The following B3GALT1 variants were observed in gnomAD, a reference collection of about 807,000 sequenced individuals.
B3GALT1 encodes beta-1,3-galactosyltransferase 1.
Under a neutral mutation model 23.2 loss-of-function variants are expected in B3GALT1, and 10 were observed. The ratio of observed to expected loss-of-function variants is 0.43; its 90% CI spans 0.27 to 0.73. The LOEUF (loss-of-function observed/expected upper bound fraction) is 0.73, where lower values mean the gene tolerates loss of function less well. Among genes scored for constraint, B3GALT1 ranks in the 30% least tolerant of loss-of-function variants. The pLI is 0.21. For missense variants in B3GALT1, 299 were observed against 405.4 expected (o/e 0.74, Z 2.25); for synonymous variants, 156 against 141.5 (o/e 1.10, Z -0.73).
intron 2 of B3GALT1, among the ~76,000 whole-genome samples, chr2:167,576,880 A>C (rs1275413371): frequency 6.6e-6 from 1 of 151,706 alleles, no homozygotes; most frequent in East Asian, 1.9e-4. Flanking sequence ...GTGTGATGGT[A>C]CCTACCCTTC....
intron 2 of B3GALT1, among the ~76,000 whole-genome samples, chr2:167,634,016 A>G (rs528824850): frequency 6.6e-6 from 1 of 152,196 alleles, no homozygotes; most frequent in Non-Finnish European, 1.5e-5. Context: ...CAGTGCAATC[A>G]AATTAGAACT....
At chr2:167,405,728 A>G (rs1523887) in intron 1 of B3GALT1, among the ~76,000 whole-genome samples, 144,036 of 152,162 alleles carry the variant, frequency 0.95, 68,435 homozygotes, top group Non-Finnish European at 0.99. Flanking sequence ...AATATAGTAC[A>G]TGGTTTTATT....
At chr2:167,659,723 G>C (rs1686022589) in intron 3 of B3GALT1, among the ~76,000 whole-genome samples, 1 of 152,062 alleles carries the variant, frequency 6.6e-6, no homozygotes, top group South Asian at 2.1e-4. Flanking sequence ...CTCGTGACTT[G>C]CTTATGAGAG....
At chr2:167,748,496 T>G (rs1687684819) in intron 3 of B3GALT1, among the ~76,000 whole-genome samples, 1 of 152,168 alleles carries the variant, frequency 6.6e-6, no homozygotes, top group South Asian at 2.1e-4. Context: ...TCTCTCCTTG[T>G]CATGGTAAAG....
At chr2:167,395,849 A>C (rs1217231990) in intron 1 of B3GALT1, among the ~76,000 whole-genome samples, 2 of 152,150 alleles carry the variant, frequency 1.3e-5, no homozygotes, top group Admixed American at 6.6e-5. Flanking sequence ...AGATGAAGTA[A>C]AGGTGAGGAA....
chr2:167,404,717 T>G (rs1056081294), intron 1 of B3GALT1, among the ~76,000 whole-genome samples: 8 of 152,212 alleles, frequency 5.3e-5, no homozygotes, highest in African/African-American at 1.9e-4. Flanking sequence ...AAGAGCGTTT[T>G]ACCTTCGCCT....
At chr2:167,778,669 G>A (rs1688201432) in intron 3 of B3GALT1, among the ~76,000 whole-genome samples, 1 of 152,160 alleles carries the variant, frequency 6.6e-6, no homozygotes. Flanking sequence ...GGATTTATAA[G>A]TAACTTATGT....
At position 167,862,623 on chromosome 2, in the gene B3GALT1, C is replaced by T. The variant is rs1451018692; in HGVS notation, c.-229-6188C>T. ...TTAACACATGAAATTAACCATCACA[C>T]TGCCTGAACCATGAAGATGGACATG... On this transcript the variant is annotated intron_variant, in intron 4 of 4. Coordinates refer to ENST00000392690, the MANE Select transcript of B3GALT1 (RefSeq NM_020981.4). 3 of 152,364 alleles carry T rather than the reference C, an allele frequency of 2.0e-5. No individual in the cohort carries two copies. In the South Asian group the frequency reaches 6.2e-4, roughly 32 times the overall value. The allele number at this position is 152,364 out of a possible 1,614,324, so 9.4% of individuals were successfully genotyped here.
At chr2:167,374,312 T>G (rs1210870382) in intron 1 of B3GALT1, among the ~76,000 whole-genome samples, 3 of 152,264 alleles carry the variant, frequency 2.0e-5, no homozygotes, top group African/African-American at 7.2e-5. Flanking sequence ...TGAATAGTTC[T>G]GCGATGAACA....
chr2:167,603,521 A>G (rs758976508), intron 2 of B3GALT1, among the ~76,000 whole-genome samples: 4 of 152,250 alleles, frequency 2.6e-5, no homozygotes, highest in Non-Finnish European at 5.9e-5. Flanking sequence ...GCTGAACATT[A>G]CTATAGAATG....
At chr2:167,547,340 G>T (rs1387391232) in intron 2 of B3GALT1, among the ~76,000 whole-genome samples, 1 of 151,986 alleles carries the variant, frequency 6.6e-6, no homozygotes, top group African/African-American at 2.4e-5. Context: ...TATCTTCTTG[G>T]GATACCAACA....
intron 2 of B3GALT1, among the ~76,000 whole-genome samples, chr2:167,536,811 A>C (rs1331125734): frequency 6.6e-6 from 1 of 152,160 alleles, no homozygotes; most frequent in African/African-American, 2.4e-5. Context: ...ACCTCCTGCC[A>C]GTTGTGGAGG....
intron 1 of B3GALT1, among the ~76,000 whole-genome samples, chr2:167,440,614 G>C (rs1698866992): frequency 6.6e-6 from 1 of 151,086 alleles, no homozygotes; most frequent in African/African-American, 2.4e-5. Flanking sequence ...TTCTTTATTT[G>C]GTTCTGAATT....
chr2:167,775,810 A>T (rs558586710), intron 3 of B3GALT1, among the ~76,000 whole-genome samples: 36 of 152,136 alleles, frequency 2.4e-4, no homozygotes, highest in African/African-American at 8.7e-4. Flanking sequence ...CATAAATCAG[A>T]CAATAATAGG....
chr2:167,618,102 G>A (rs1685192223), intron 2 of B3GALT1, among the ~76,000 whole-genome samples: 1 of 151,952 alleles, frequency 6.6e-6, no homozygotes, highest in Non-Finnish European at 1.5e-5. Flanking sequence ...AAATGCTTTA[G>A]AACTTAATTT....
At chr2:167,619,664 AAT>A (rs1380020785) in intron 2 of B3GALT1, among the ~76,000 whole-genome samples, 5 of 152,110 alleles carry the variant, frequency 3.3e-5, no homozygotes, top group Non-Finnish European at 5.9e-5. Flanking sequence ...CTTTTATGGC[AAT>A]TCTACCACAC....
intron 2 of B3GALT1, among the ~76,000 whole-genome samples, chr2:167,504,607 T>A (rs1246335189): frequency 6.6e-6 from 1 of 152,186 alleles, no homozygotes; most frequent in Non-Finnish European, 1.5e-5. Flanking sequence ...GACTGATTAA[T>A]GAAATGATGC....
At chr2:167,792,070 T>TA (rs966288594) in intron 3 of B3GALT1, among the ~76,000 whole-genome samples, 35 of 126,218 alleles carry the variant, frequency 2.8e-4, no homozygotes, top group African/African-American at 3.6e-4. Context: ...AGTGCAAATC[T>TA]AAAAAAAAAA....
chr2:167,678,381 T>A (rs1436100090), intron 3 of B3GALT1, among the ~76,000 whole-genome samples: 1 of 152,198 alleles, frequency 6.6e-6, no homozygotes, highest in African/African-American at 2.4e-5. Flanking sequence ...CCAAAAAAGC[T>A]AAACAATTTC....
Sources: gnomAD v4.1 joint callset for allele counts (sites outside exome capture counted in the v4.1 genomes callset) on GRCh38, gnomAD v4.1.1 for gene constraint, MANE v1.5 for transcripts, NCBI Gene and HGNC (gene_info 2026-07-23, HGNC 2026-07-21) for gene names.